Variants in CNTLN observed in about 807,000 individuals in gnomAD.
The protein encoded by CNTLN is centlein, centrosomal protein.
In CNTLN, 212 loss-of-function variants were observed where a neutral mutation model predicts 180.0. That is an observed-to-expected ratio of 1.18 (90% CI 1.05 to 1.32). CNTLN has a LOEUF of 1.32. Among genes scored for constraint, CNTLN ranks in the 40% most tolerant of loss-of-function variants. The pLI, the probability that CNTLN is intolerant of heterozygous loss-of-function variation, is 0.00. For synonymous variants in CNTLN, 722 were observed against 563.1 expected (o/e 1.28, Z -3.99); for missense variants, 2,095 against 1,610.9 (o/e 1.30, Z -5.14).
At chr9:17,441,723 G>T (rs190504773) in intron 18 of CNTLN, among the ~76,000 whole-genome samples, 18 of 151,956 alleles carry the variant, frequency 1.2e-4, no homozygotes, top group Non-Finnish European at 1.8e-4. Flanking sequence ...AAATATAAAT[G>T]GATTACATTC....
rs1176798846 is a variant in CNTLN, at chr9:17,416,040, A to T, written c.2965A>T (p.Ile989Leu). ...SNIILLRERI[I>L]SLQQQNSVLQ... ...TATTATTTTATTACGAGAACGGATT[A>T]TATCCTTGCAACAACAAAACAGTGT... Residue 989 changes from isoleucine to leucine, a missense_variant, in exon 18 of 26, where the codon ATA becomes TTA. Transcript: ENST00000380647. 1.1e-5 allele frequency: 17 copies of T among 1,613,560 alleles called. No individual in the cohort carries two copies. The highest frequency in any genetic ancestry group is 1.4e-5 in the Non-Finnish European group (17 of 1,179,774).
At chr9:17,431,625 C>G (rs372132146) in intron 18 of CNTLN, among the ~76,000 whole-genome samples, 3 of 152,024 alleles carry the variant, frequency 2.0e-5, no homozygotes, top group Admixed American at 1.3e-4. Context: ...AAACCAGTGC[C>G]CTGAAGTGTT....
intron 7 of CNTLN, chr9:17,298,655 CTG>C (rs1818125880): frequency 1.9e-6 from 2 of 1,029,980 alleles, no homozygotes; most frequent in Non-Finnish European, 2.3e-6. Flanking sequence ...AGTCTCAAAA[CTG>C]GAATGGAATT....
chr9:17,289,947 G>C (rs1013804502), intron 6 of CNTLN, among the ~76,000 whole-genome samples: 2 of 150,034 alleles, frequency 1.3e-5, no homozygotes, highest in Non-Finnish European at 3.0e-5. Context: ...CTTTGCCTTT[G>C]GTTTGAATGT....
chr9:17,241,085 C>A lies in CNTLN; in HGVS notation c.849+4497C>A, dbSNP rs191780683. Reference sequence around the variant, plus strand: ...GTGTTAGCCAGGATGGTCTCGATCTCCTGACCTGGTGATCCGCCCACCTTG... The same window carrying A: ...GTGTTAGCCAGGATGGTCTCGATCTACTGACCTGGTGATCCGCCCACCTTG... On this transcript the variant is annotated intron_variant, in intron 5 of 25. Coordinates refer to ENST00000380647, the MANE Select transcript of CNTLN (RefSeq NM_017738.4). Among the ~76,000 whole-genome samples the A allele has an allele frequency of 9.9e-4, 151 of 152,282 alleles. 2 individuals carry two copies. The highest frequency in any genetic ancestry group is 3.5e-3 in the African/African-American group (147 of 41,572).
chr9:17,453,809 G>A (rs1454271576), intron 18 of CNTLN, among the ~76,000 whole-genome samples: 7 of 152,274 alleles, frequency 4.6e-5, no homozygotes, highest in South Asian at 4.1e-4. Flanking sequence ...CTTGTAGCTC[G>A]TCTCATAACA....
At chr9:17,402,135 T>C (rs1827027965) in intron 15 of CNTLN, among the ~76,000 whole-genome samples, 1 of 151,802 alleles carries the variant, frequency 6.6e-6, no homozygotes, top group African/African-American at 2.4e-5. Context: ...CTATGCGATT[T>C]CTGTTGACAA....
In CNTLN at chr9:17,291,027, T is replaced by G. The variant is rs535808674; in HGVS notation, c.984-7163T>G. On this transcript the variant is annotated intron_variant, in intron 6 of 25. Coordinates refer to ENST00000380647, the MANE Select transcript of CNTLN (RefSeq NM_017738.4). ...GCTGTTCCTATTCGGCCATCTTGGC[T>G]CCTCCCCTGATTTCTGCCTTAATTT... 7.1e-3 allele frequency among the ~76,000 whole-genome samples: 1,079 copies of G among 152,236 alleles called. 9 individuals carry two copies. Among genetic ancestry groups the G allele is most frequent in the Non-Finnish European group, 0.012 (849 of 68,014 alleles).
At chr9:17,342,587 C>A in intron 12 of CNTLN, 143 bp downstream of exon 12, 1 of 728,590 alleles carries the variant, frequency 1.4e-6, no homozygotes, top group Non-Finnish European at 2.2e-6. Flanking sequence ...AAAAGACTAG[C>A]TTTTAAAAAT....
intron 15 of CNTLN, among the ~76,000 whole-genome samples, chr9:17,408,277 T>C (rs1017653752): frequency 2.0e-5 from 3 of 152,058 alleles, no homozygotes; most frequent in Admixed American, 6.6e-5. Context: ...AGCTCATCCA[T>C]GTGGGAAAGG....
chr9:17,296,096 A>G (rs1022892053), intron 6 of CNTLN, among the ~76,000 whole-genome samples: 1 of 151,208 alleles, frequency 6.6e-6, no homozygotes, highest in African/African-American at 2.4e-5. Flanking sequence ...ATCTCGGCTC[A>G]GGATCAAATG....
intron 1 of CNTLN, among the ~76,000 whole-genome samples, chr9:17,136,013 T>C (rs988758955): frequency 1.4e-4 from 21 of 152,220 alleles, no homozygotes; most frequent in Non-Finnish European, 3.1e-4. Flanking sequence ...TCCGCGGTCC[T>C]TGAGTGAGAA....
chr9:17,484,223 T>A, intron 23 of CNTLN, 72 bp from the exon 24 acceptor site: 5 of 1,218,466 alleles, frequency 4.1e-6, no homozygotes, highest in Non-Finnish European at 5.8e-6. Flanking sequence ...TATCTTCATA[T>A]TTTTATGTTA....
chr9:17,394,681 C>G lies in CNTLN; in HGVS notation c.2227C>G (p.Leu743Val). Reference protein sequence around the residue: ...QEDTETREKELEQIIKGSKDV... With the variant: ...QEDTETREKEVEQIIKGSKDV... ...AGATACAGAGACCAGAGAAAAAGAGCTAGAACAGATAATAAAGGGGAGTAA... is the reference window on the plus strand; with the variant it reads ...AGATACAGAGACCAGAGAAAAAGAGGTAGAACAGATAATAAAGGGGAGTAA... Residue 743 changes from leucine to valine, a missense_variant, in exon 15 of 26, where the codon CTA (leucine) becomes GTA (valine). Physicochemically the swap from Leu to Val is conservative, Grantham distance 32. Coordinates refer to ENST00000380647, the MANE Select transcript of CNTLN (RefSeq NM_017738.4). 6.2e-7 allele frequency: 1 copy of G among 1,613,436 alleles called. No individual in the cohort carries two copies. Among genetic ancestry groups the G allele is most frequent in the African/African-American group, 1.3e-5 (1 of 74,908 alleles).
intron 2 of CNTLN, among the ~76,000 whole-genome samples, chr9:17,221,001 A>G (rs375187842): frequency 4.6e-5 from 7 of 152,152 alleles, no homozygotes; most frequent in East Asian, 1.9e-4. Flanking sequence ...GATTCATGGT[A>G]TATCTGGAAA....
intron 12 of CNTLN, among the ~76,000 whole-genome samples, chr9:17,347,628 C>T (rs1822004552): frequency 6.9e-6 from 1 of 144,336 alleles, no homozygotes; most frequent in African/African-American, 2.5e-5. Flanking sequence ...GAGATCATGC[C>T]ATTGCACTCC....
At chr9:17,409,624 T>C (rs1389998649) in intron 16 of CNTLN, 151 bp downstream of exon 16, 1 of 567,840 alleles carries the variant, frequency 1.8e-6, no homozygotes, top group East Asian at 3.2e-5. Context: ...CACTTTTAAA[T>C]AATTTTCAAG....
At chr9:17,155,869 G>A (rs1234805915) in intron 2 of CNTLN, among the ~76,000 whole-genome samples, 2 of 152,194 alleles carry the variant, frequency 1.3e-5, no homozygotes. Context: ...CCCTGGTGGG[G>A]TAGGCACTGG....
At chr9:17,319,408 G>A (rs919871356) in intron 8 of CNTLN, among the ~76,000 whole-genome samples, 7 of 152,194 alleles carry the variant, frequency 4.6e-5, no homozygotes, top group Non-Finnish European at 8.8e-5. Flanking sequence ...AGACTAAGTG[G>A]AAAGTGAAAT....
Sources: gnomAD v4.1 joint callset for allele counts (sites outside exome capture counted in the v4.1 genomes callset) on GRCh38, gnomAD v4.1.1 for gene constraint, MANE v1.5 for transcripts, NCBI Gene and HGNC (gene_info 2026-07-23, HGNC 2026-07-21) for gene names.